CDK14: variants seen among roughly 807,000 people sequenced by gnomAD.
CDK14 encodes the protein cyclin-dependent kinase 14.
CDK14 carries 34 observed loss-of-function variants against 60.7 expected under a neutral mutation model. That is an observed-to-expected ratio of 0.56 (90% CI 0.43 to 0.75). CDK14 has a LOEUF of 0.75. Ranked by LOEUF, CDK14 falls within the 30% of genes least tolerant of loss-of-function variation. CDK14 has a pLI of 0.00. For synonymous variants in CDK14, 197 were observed against 203.7 expected (o/e 0.97, Z 0.28); for missense variants, 482 against 564.1 (o/e 0.85, Z 1.47).
At chr7:90,991,790 C>G (rs1350581357) in intron 10 of CDK14, among the ~76,000 whole-genome samples, 1 of 152,130 alleles carries the variant, frequency 6.6e-6, no homozygotes. Context: ...CTGTGATTCT[C>G]CTTGATGTTT....
At chr7:91,203,810 A>G (rs1802798462) in intron 14 of CDK14, among the ~76,000 whole-genome samples, 1 of 152,164 alleles carries the variant, frequency 6.6e-6, no homozygotes, top group African/African-American at 2.4e-5. Flanking sequence ...GCCTGTGGAC[A>G]AATGTGCTTG....
intron 5 of CDK14, among the ~76,000 whole-genome samples, chr7:90,813,611 C>T (rs1210621643): frequency 2.0e-5 from 3 of 151,800 alleles, no homozygotes; most frequent in Admixed American, 2.0e-4. Context: ...TAGCTGGGCA[C>T]GGTGGCATGT....
At chr7:90,716,301 C>A (rs1707138241) in intron 2 of CDK14, 1 of 151,970 alleles carries the variant, frequency 6.6e-6, no homozygotes, top group Non-Finnish European at 1.5e-5. Flanking sequence ...ACATGGTACT[C>A]TTCACAAATT....
chr7:90,667,513 C>T (rs149956811), intron 2 of CDK14, among the ~76,000 whole-genome samples: 2 of 151,958 alleles, frequency 1.3e-5, no homozygotes, highest in East Asian at 3.9e-4. Flanking sequence ...TTTTTCTTTA[C>T]TGGCCTCTTT....
chr7:90,870,356 G>C (rs115185321), intron 6 of CDK14, among the ~76,000 whole-genome samples: 157 of 152,334 alleles, frequency 1.0e-3, no homozygotes, highest in African/African-American at 3.6e-3. Context: ...TGGAGGCTGG[G>C]AGAAGGGAGA....
At chr7:90,898,126 G>T (rs528275660) in intron 6 of CDK14, among the ~76,000 whole-genome samples, 1 of 152,072 alleles carries the variant, frequency 6.6e-6, no homozygotes, top group South Asian at 2.1e-4. Context: ...ACCTCATTGG[G>T]TTTCCCCTGC....
At chr7:91,041,262 C>T (rs894320768) in intron 10 of CDK14, among the ~76,000 whole-genome samples, 18 of 151,250 alleles carry the variant, frequency 1.2e-4, no homozygotes, top group African/African-American at 3.7e-4. Flanking sequence ...AACAGAGGGA[C>T]GTGAGACCAT....
chr7:90,863,364 GAA>G, intron 6 of CDK14, 95 bp downstream of exon 6: 1 of 629,486 alleles, frequency 1.6e-6, no homozygotes, highest in South Asian at 2.2e-5. Flanking sequence ...TTGCTGTACT[GAA>G]GTTAATATTT....
chr7:90,653,888 A>G (rs546061470), intron 2 of CDK14, among the ~76,000 whole-genome samples: 9 of 152,152 alleles, frequency 5.9e-5, no homozygotes, highest in Admixed American at 1.3e-4. Flanking sequence ...TCATTGTTCA[A>G]TTCCCACCTA....
chr7:90,898,960 G>A (rs2117350976), intron 6 of CDK14, among the ~76,000 whole-genome samples: 1 of 151,978 alleles, frequency 6.6e-6, no homozygotes, highest in South Asian at 2.1e-4. Flanking sequence ...CATTATAATT[G>A]CATTGGTTAA....
rs569340919 is a variant in CDK14 at position 90,641,475 on chromosome 7, A to G, written c.123+37226A>G. Among the ~76,000 whole-genome samples, 12 of 152,354 alleles carry G rather than the reference A, an allele frequency of 7.9e-5. No individual in the cohort carries two copies. In the South Asian group the frequency reaches 1.0e-3, roughly 13 times the overall value. ...ATGAAGTACTGATAGATGCTGCAACATGAGTGAACTTTGATAACATTATGT... is the reference window on the plus strand; with the variant it reads ...ATGAAGTACTGATAGATGCTGCAACGTGAGTGAACTTTGATAACATTATGT... On this transcript the variant is annotated intron_variant, in intron 2 of 14. Transcript: ENST00000380050.
At chr7:91,102,319 G>A (rs528389893) in intron 12 of CDK14, among the ~76,000 whole-genome samples, 2 of 152,322 alleles carry the variant, frequency 1.3e-5, no homozygotes, top group South Asian at 4.1e-4. Context: ...CCCATAGTGA[G>A]TGTAATAGTA....
chr7:91,132,339 A>C (rs1289131840), intron 14 of CDK14, among the ~76,000 whole-genome samples: 2 of 152,148 alleles, frequency 1.3e-5, no homozygotes, highest in Non-Finnish European at 2.9e-5. Flanking sequence ...CTGTGTCACA[A>C]AGTGCAGCAT....
chr7:90,972,240 C>G (rs1187914059), intron 9 of CDK14, among the ~76,000 whole-genome samples: 1 of 152,136 alleles, frequency 6.6e-6, no homozygotes, highest in Non-Finnish European at 1.5e-5. Context: ...TATATTGTGC[C>G]TATCTGTGCC....
Position 90,655,782 on chromosome 7 carries a change from A to G in CDK14, c.123+51533A>G, listed in dbSNP as rs570539073. Among the ~76,000 whole-genome samples the G allele has an allele frequency of 1.3e-4, 20 of 152,268 alleles. 1 individual carries two copies. The highest frequency in any genetic ancestry group is 1.2e-3 in the South Asian group (6 of 4,826). On this transcript the variant is annotated intron_variant, in intron 2 of 14. Coordinates refer to ENST00000380050, the MANE Select transcript of CDK14 (RefSeq NM_001287135.2). Reference sequence around the variant, plus strand: ...CTTTCAAGACTTCCTGTGGCCACCAATAATTCTGCCGAGGGGTCTGACATC... The same window carrying G: ...CTTTCAAGACTTCCTGTGGCCACCAGTAATTCTGCCGAGGGGTCTGACATC...
intron 6 of CDK14, among the ~76,000 whole-genome samples, chr7:90,864,130 A>T (rs1449231260): frequency 7.0e-6 from 1 of 143,134 alleles, no homozygotes; most frequent in Admixed American, 7.0e-5. Context: ...ATTTTTCCTT[A>T]AAAAAAAAAA....
intron 2 of CDK14, among the ~76,000 whole-genome samples, chr7:90,606,813 T>C (rs1414234132): frequency 6.6e-6 from 1 of 152,188 alleles, no homozygotes; most frequent in Non-Finnish European, 1.5e-5. Flanking sequence ...ATGAATTAGG[T>C]GTTAGGCAAT....
chr7:90,674,685 C>A (rs1256560827), intron 2 of CDK14, among the ~76,000 whole-genome samples: 1 of 152,118 alleles, frequency 6.6e-6, no homozygotes, highest in East Asian at 1.9e-4. Flanking sequence ...ATGTAAGCAT[C>A]TTTTTCCAAA....
At position 90,955,792 on chromosome 7, in the gene CDK14, G is replaced by C. The variant is rs201692399; in HGVS notation, c.922G>C (p.Glu308Gln). The change falls in exon 9 of 15, where the codon GAA becomes CAA. Residue 308 changes from glutamate to glutamine, a missense_variant. By Grantham distance (29) the Glu-to-Gln change is conservative. Transcript: ENST00000380050. ...TCCAGATGTCCTTCTAGGCTCAACA[G>C]AATATTCCACCTGCCTTGACATGTG... is the stretch of plus-strand genomic sequence containing the variant. The part of the protein sequence containing the change: ...RPPDVLLGST[E>Q]YSTCLDMWGV... 9.1e-5 allele frequency: 147 copies of C among 1,613,322 alleles called. No homozygotes were observed. The East Asian group carries it at 3.2e-3, about 35-fold the overall frequency.
Sources: allele counts gnomAD v4.1 joint callset (sites outside exome capture counted in the v4.1 genomes callset), GRCh38; gene constraint gnomAD v4.1.1; transcripts MANE v1.5; gene names NCBI Gene and HGNC (gene_info 2026-07-23, HGNC 2026-07-21).